FKBP5: variants seen among roughly 807,000 people sequenced by gnomAD.
FKBP5 encodes the protein FKBP prolyl isomerase 5, also known as peptidyl-prolyl cis-trans isomerase FKBP5.
In FKBP5, 23 loss-of-function variants were observed where a neutral mutation model predicts 50.5. That is an observed-to-expected ratio of 0.46 (90% CI 0.33 to 0.65). FKBP5 has a LOEUF of 0.65. Ranked by LOEUF, FKBP5 falls within the 30% of genes least tolerant of loss-of-function variation. The pLI is 0.02. For synonymous variants in FKBP5, 176 were observed against 190.6 expected (o/e 0.92, Z 0.63); for missense variants, 411 against 553.1 (o/e 0.74, Z 2.58).
intron 10 of FKBP5, 120 bp downstream of exon 10, chr6:35,576,874 T>C (rs1288132998): frequency 1.2e-5 from 15 of 1,260,004 alleles, no homozygotes; most frequent in African/African-American, 1.0e-4. Context: ...TCAGATTAGA[T>C]TGGAAATCGT....
intron 1 of FKBP5, among the ~76,000 whole-genome samples, chr6:35,654,336 A>G (rs759145990): frequency 4.6e-5 from 7 of 152,238 alleles, no homozygotes; most frequent in Non-Finnish European, 8.8e-5. Flanking sequence ...TCTTGTCCCA[A>G]GCATTTTGGA....
chr6:35,717,782 T>C (rs1282143020), intron 2 of FKBP5, among the ~76,000 whole-genome samples: 1 of 152,192 alleles, frequency 6.6e-6, no homozygotes, highest in Non-Finnish European at 1.5e-5. Context: ...CCCCGCCGTC[T>C]CATCCTTCCT....
chr6:35,606,922 T>A (rs1328084352), intron 5 of FKBP5, among the ~76,000 whole-genome samples: 2 of 152,096 alleles, frequency 1.3e-5, no homozygotes, highest in African/African-American at 4.8e-5. Context: ...CACTGACATG[T>A]TTACTGCAGC....
At chr6:35,719,920 C>T (rs1344125201) in intron 2 of FKBP5, among the ~76,000 whole-genome samples, 1 of 152,166 alleles carries the variant, frequency 6.6e-6, no homozygotes, top group Admixed American at 6.5e-5. Context: ...GGGGGTTGTC[C>T]CTAGTTAAAG....
At chr6:35,596,192 T>C (rs774957602) in intron 6 of FKBP5, among the ~76,000 whole-genome samples, 1 of 151,966 alleles carries the variant, frequency 6.6e-6, no homozygotes, top group Non-Finnish European at 1.5e-5. Context: ...TCGTCTCTAC[T>C]AGAAATACAA....
upstream of FKBP5, among the ~76,000 whole-genome samples, chr6:35,691,495 C>T (rs912886141): frequency 1.3e-5 from 2 of 152,102 alleles, no homozygotes; most frequent in African/African-American, 4.8e-5. Flanking sequence ...AGGAGGAAGA[C>T]AGAAAGGCAG....
chr6:35,707,903 G>A (rs565456805), intron 2 of FKBP5, among the ~76,000 whole-genome samples: 1 of 152,296 alleles, frequency 6.6e-6, no homozygotes, highest in African/African-American at 2.4e-5. Flanking sequence ...GACCTAACTT[G>A]TGATAAGAAA....
chr6:35,588,048 G>A (rs535245574), intron 7 of FKBP5, among the ~76,000 whole-genome samples: 3 of 149,248 alleles, frequency 2.0e-5, no homozygotes, highest in Non-Finnish European at 4.4e-5. Context: ...TTTTTGAGAC[G>A]GAGTTTCGCT....
chr6:35,709,660 T>A (rs1766381594), intron 2 of FKBP5, among the ~76,000 whole-genome samples: 1 of 152,232 alleles, frequency 6.6e-6, no homozygotes, highest in Admixed American at 6.5e-5. Context: ...TTTCTTGTTT[T>A]CTATATTTGC....
intron 8 of FKBP5, chr6:35,583,412 T>TA (rs573681527): frequency 1.0e-6 from 1 of 985,378 alleles, no homozygotes; most frequent in South Asian, 4.7e-5. Context: ...AAAAAACAGG[T>TA]ATTAGACTTC....
chr6:35,656,944 G>A (rs1361826993), intron 1 of FKBP5, among the ~76,000 whole-genome samples: 1 of 150,930 alleles, frequency 6.6e-6, no homozygotes, highest in Non-Finnish European at 1.5e-5. Flanking sequence ...GGGCACGGTG[G>A]CTCACGGCTG....
intron 1 of FKBP5, among the ~76,000 whole-genome samples, chr6:35,679,922 ATAT>A (rs1404095989): frequency 6.6e-6 from 1 of 152,146 alleles, no homozygotes; most frequent in African/African-American, 2.4e-5. Context: ...AAATAAAAAT[ATAT>A]TAAATTTAAA....
chr6:35,649,319 A>G (rs1394792345), intron 1 of FKBP5, among the ~76,000 whole-genome samples: 1 of 150,732 alleles, frequency 6.6e-6, no homozygotes, highest in Non-Finnish European at 1.5e-5. Flanking sequence ...CGGATTGCTC[A>G]TTTTCTTAGC....
intron 8 of FKBP5, chr6:35,582,688 A>G (rs989960810): frequency 7.1e-6 from 7 of 985,276 alleles, no homozygotes; most frequent in Non-Finnish European, 8.4e-6. Flanking sequence ...CAATACTTAA[A>G]TTTTGTCATA....
At chr6:35,586,905 T>C (rs759206098) in intron 8 of FKBP5, 129 bp downstream of exon 8, 24 of 1,527,906 alleles carry the variant, frequency 1.6e-5, no homozygotes, top group Non-Finnish European at 1.9e-5. Flanking sequence ...AAATGACAGA[T>C]TTATAAAAAT....
chr6:35,636,422 G>A (rs769684770), intron 3 of FKBP5, among the ~76,000 whole-genome samples: 2 of 152,114 alleles, frequency 1.3e-5, no homozygotes, highest in African/African-American at 2.4e-5. Context: ...AGTAAAAATG[G>A]TATCTCATGA....
chr6:35,579,955 T>C (rs1292727451), intron 9 of FKBP5, 81 bp downstream of exon 9: 108 of 1,086,832 alleles, frequency 9.9e-5, no homozygotes, highest in Non-Finnish European at 1.3e-4. Context: ...CTGCAACCTT[T>C]GGCTGAGAGG....
At chr6:35,621,545 G>T (rs1763840122) in intron 3 of FKBP5, among the ~76,000 whole-genome samples, 1 of 151,596 alleles carries the variant, frequency 6.6e-6, no homozygotes, top group Admixed American at 6.6e-5. Flanking sequence ...TTGAACCTGG[G>T]AGGCGGAGGT....
chr6:35,717,923 A>T (rs115209877), intron 2 of FKBP5, among the ~76,000 whole-genome samples: 295 of 152,344 alleles, frequency 1.9e-3, no homozygotes, highest in African/African-American at 6.8e-3. Flanking sequence ...GTCTCTGAAC[A>T]TTGAAAAGGG....
Sources: allele counts gnomAD v4.1 joint callset (sites outside exome capture counted in the v4.1 genomes callset), GRCh38; gene constraint gnomAD v4.1.1; transcripts MANE v1.5; gene names NCBI Gene and HGNC (gene_info 2026-07-23, HGNC 2026-07-21).